LNX1: variants seen among roughly 807,000 people sequenced by gnomAD.
LNX1 encodes the protein E3 ubiquitin-protein ligase LNX.
Under a neutral mutation model 68.4 loss-of-function variants are expected in LNX1, and 54 were observed. That is an observed-to-expected ratio of 0.79 (90% CI 0.63 to 0.99). The LOEUF is 0.99. Ranked by LOEUF, LNX1 falls within the 50% of genes least tolerant of loss-of-function variation. The probability of loss-of-function intolerance (pLI) is 0.00; values close to 1 mark genes in which losing one functional copy is unlikely to be tolerated. For synonymous variants in LNX1, 336 were observed against 350.0 expected (o/e 0.96, Z 0.45); for missense variants, 906 against 926.4 (o/e 0.98, Z 0.29).
chr4:53,573,555 G>C (rs1046549395), intron 2 of LNX1, 68 bp downstream of exon 2: 5 of 1,045,426 alleles, frequency 4.8e-6, no homozygotes, highest in African/African-American at 4.7e-5. Flanking sequence ...TCAGGAGACT[G>C]GGGGGTGGAG....
intron 7 of LNX1, among the ~76,000 whole-genome samples, chr4:53,481,303 C>G (rs1405138630): frequency 6.6e-6 from 1 of 152,156 alleles, no homozygotes; most frequent in African/African-American, 2.4e-5. Context: ...CAAACACAAA[C>G]AAAAACTAAA....
At chr4:53,505,168 T>A (rs1326349825) in intron 4 of LNX1, among the ~76,000 whole-genome samples, 1 of 152,254 alleles carries the variant, frequency 6.6e-6, no homozygotes, top group Non-Finnish European at 1.5e-5. Context: ...ATATTCTTTA[T>A]ATAAAATGAC....
chr4:53,630,011 G>A (rs1230714363), intron 1 of LNX1, among the ~76,000 whole-genome samples: 1 of 151,752 alleles, frequency 6.6e-6, no homozygotes, highest in Non-Finnish European at 1.5e-5. Flanking sequence ...AAGTTTTACT[G>A]GTCCAGCAAA....
At chr4:53,472,678 ACAAC>A (rs1466430079) in intron 9 of LNX1, among the ~76,000 whole-genome samples, 1 of 87,226 alleles carries the variant, frequency 1.1e-5, no homozygotes, top group African/African-American at 3.9e-5. Flanking sequence ...AACAACAACA[ACAAC>A]AACAAAAAAA....
intron 2 of LNX1, among the ~76,000 whole-genome samples, chr4:53,556,739 C>T (rs1175149700): frequency 6.6e-6 from 1 of 152,172 alleles, no homozygotes; most frequent in Non-Finnish European, 1.5e-5. Flanking sequence ...TGATCACTTC[C>T]AAGAACCTAG....
chr4:53,590,440 G>C (rs1732439781), intron 1 of LNX1, among the ~76,000 whole-genome samples: 1 of 152,124 alleles, frequency 6.6e-6, no homozygotes, highest in Non-Finnish European at 1.5e-5. Context: ...ATCCCAGCAG[G>C]CAGCTGGGCT....
intron 5 of LNX1, 42 bp downstream of exon 5, chr4:53,498,599 A>T (rs147847312): frequency 4.7e-6 from 7 of 1,478,950 alleles, no homozygotes; most frequent in African/African-American, 1.4e-5. Context: ...GCATTTTTTT[A>T]TATCAAGCCC....
intron 2 of LNX1, among the ~76,000 whole-genome samples, chr4:53,560,262 G>A (rs1730193039): frequency 6.6e-6 from 1 of 152,154 alleles, no homozygotes; most frequent in Non-Finnish European, 1.5e-5. Context: ...ATGTCAGATT[G>A]CTTCTGACAT....
intron 6 of LNX1, among the ~76,000 whole-genome samples, chr4:53,484,001 T>C (rs894433529): frequency 6.6e-6 from 1 of 152,148 alleles, no homozygotes; most frequent in Non-Finnish European, 1.5e-5. Flanking sequence ...CCTAAGGGGA[T>C]TACAGCCCTT....
chr4:53,577,550 G>A (rs1386745464), intron 1 of LNX1, among the ~76,000 whole-genome samples: 3 of 152,074 alleles, frequency 2.0e-5, no homozygotes, highest in Admixed American at 1.3e-4. Flanking sequence ...CCAAGGGGGA[G>A]CTTTGCCCAC....
intron 2 of LNX1, among the ~76,000 whole-genome samples, chr4:53,602,242 A>T (rs2109836561): frequency 6.6e-6 from 1 of 152,330 alleles, no homozygotes. Context: ...TGCAAGCAAC[A>T]GATGCCAAGA....
At chr4:53,557,902 C>T (rs759509262) in intron 2 of LNX1, 10 of 1,613,266 alleles carry the variant, frequency 6.2e-6, no homozygotes, top group Middle Eastern at 1.6e-4. Flanking sequence ...TGCAGGTTGC[C>T]CACATTGTCA....
intron 2 of LNX1, among the ~76,000 whole-genome samples, chr4:53,610,882 T>C (rs1205787508): frequency 2.6e-5 from 4 of 151,900 alleles, no homozygotes; most frequent in Non-Finnish European, 5.9e-5. Flanking sequence ...ACATCTAAAC[T>C]CTATACATGT....
At chr4:53,605,883 C>T (rs1430674495) in intron 2 of LNX1, among the ~76,000 whole-genome samples, 1 of 152,176 alleles carries the variant, frequency 6.6e-6, no homozygotes, top group East Asian at 1.9e-4. Context: ...CAATCAACAA[C>T]ATGGGAATGC....
intron 2 of LNX1, among the ~76,000 whole-genome samples, chr4:53,607,918 G>A (rs534009028): frequency 7.9e-5 from 12 of 152,132 alleles, no homozygotes; most frequent in Non-Finnish European, 1.6e-4. Context: ...AGCCAGATGC[G>A]GAAGATTGAA....
intron 1 of LNX1, among the ~76,000 whole-genome samples, chr4:53,623,014 G>A (rs1169331496): frequency 6.6e-6 from 1 of 152,158 alleles, no homozygotes; most frequent in Non-Finnish European, 1.5e-5. Context: ...TAGGGAAAAT[G>A]AGTCATAAAG....
intron 1 of LNX1, among the ~76,000 whole-genome samples, chr4:53,588,974 C>A (rs1364231512): frequency 2.0e-5 from 3 of 152,192 alleles, no homozygotes; most frequent in Non-Finnish European, 4.4e-5. Flanking sequence ...TTCTATGGTA[C>A]AATGAGGCTC....
intron 2 of LNX1, among the ~76,000 whole-genome samples, chr4:53,546,533 G>A (rs1729131848): frequency 6.6e-6 from 1 of 152,176 alleles, no homozygotes; most frequent in Non-Finnish European, 1.5e-5. Context: ...CCAAAAAAAT[G>A]TCATAACTTG....
At chr4:53,484,648 T>C (rs993707071) in intron 6 of LNX1, among the ~76,000 whole-genome samples, 1 of 152,136 alleles carries the variant, frequency 6.6e-6, no homozygotes, top group Admixed American at 6.5e-5. Context: ...CCAGTCCAAA[T>C]CTTCATGACT....
Sources: allele counts gnomAD v4.1 joint callset (sites outside exome capture counted in the v4.1 genomes callset), GRCh38; gene constraint gnomAD v4.1.1; transcripts MANE v1.5; gene names NCBI Gene and HGNC (gene_info 2026-07-23, HGNC 2026-07-21).